The following GPATCH8 variants were observed in gnomAD, a reference collection of about 807,000 sequenced individuals.
GPATCH8 encodes the protein G-patch domain containing 8.
GPATCH8 carries 18 observed loss-of-function variants against 118.3 expected under a neutral mutation model. That is an observed-to-expected ratio of 0.15 (90% confidence interval 0.11 to 0.23). The LOEUF is 0.23. GPATCH8 is among the 10% of genes least tolerant of loss of function. The pLI is 1.00. For missense variants in GPATCH8, 1,631 were observed against 1,873.8 expected (o/e 0.87, Z 2.39); for synonymous variants, 659 against 684.7 (o/e 0.96, Z 0.59).
At chr17:44,497,978 C>CTT (rs149991900) in intron 1 of GPATCH8, among the ~76,000 whole-genome samples, 4 of 152,020 alleles carry the variant, frequency 2.6e-5, no homozygotes, top group African/African-American at 9.7e-5. Flanking sequence ...ACAGACTGTC[C>CTT]TTTTAAAAAT....
Position 44,400,499 on chromosome 17 carries a change from GCTTT to G in GPATCH8, c.1574_1577del (p.Glu525AlafsTer16). 6.2e-7 allele frequency: 1 copy of G among 1,614,140 alleles called. No individual in the cohort carries two copies. The highest frequency in any genetic ancestry group is 2.2e-5 in the East Asian group (1 of 44,878). ...CAGTAGGATGTTTGGGTCCTTCTTG[GCTTT>G]CTTTCCCTGCTGGGGTGGCCAGAGA... is the stretch of plus-strand genomic sequence containing the variant. On this transcript the variant is annotated frameshift_variant, in exon 8 of 8. Transcript: ENST00000591680. LOFTEE classifies it high-confidence loss of function.
chr17:44,401,072 A>C lies in GPATCH8; in HGVS notation c.1005T>G (p.Asp335Glu), dbSNP rs758777925. The C allele has an allele frequency of 6.8e-6, 11 of 1,613,958 alleles. No individual in the cohort carries two copies. The highest frequency in any genetic ancestry group is 5.5e-5 in the South Asian group (5 of 91,076). The change falls in exon 8 of 8, where the codon GAT (aspartate) becomes GAG (glutamate). Residue 335 changes from aspartate to glutamate, a missense_variant. Asp to Glu is a conservative substitution (Grantham distance 45). Coordinates refer to ENST00000591680, the MANE Select transcript of GPATCH8 (RefSeq NM_001002909.4). ...EGTSEDGTKP[D>E]EKSSDQGLQK... ...GCAGTCCTTGGTCAGAACTCTTCTC[A>C]TCGGGTTTTGTTCCATCTTCAGAGG...
rs752857759 is a variant in GPATCH8, at chr17:44,439,744, C to T, written c.194-3199G>A. ...AGTGATGACCTCAAAAGGTAGGTAGCAAGAGTGTCTGCTAATATGTATTCT... is the reference window on the plus strand; with the variant it reads ...AGTGATGACCTCAAAAGGTAGGTAGTAAGAGTGTCTGCTAATATGTATTCT... On this transcript the variant is annotated intron_variant, in intron 3 of 7. Transcript: ENST00000591680. 1.4e-3 allele frequency among the ~76,000 whole-genome samples: 211 copies of T among 151,756 alleles called. 1 individual carries two copies. Among genetic ancestry groups the T allele is most frequent in the Non-Finnish European group, 2.4e-3 (163 of 67,952 alleles).
chr17:44,501,364 C>T (rs1970052028), intron 1 of GPATCH8, among the ~76,000 whole-genome samples: 1 of 151,820 alleles, frequency 6.6e-6, no homozygotes, highest in Non-Finnish European at 1.5e-5. Flanking sequence ...TTGCAGTGAG[C>T]CGAGATCGTG....
At chr17:44,429,863 A>T (rs1172033588) in intron 5 of GPATCH8, among the ~76,000 whole-genome samples, 1 of 124,596 alleles carries the variant, frequency 8.0e-6, no homozygotes, top group South Asian at 2.5e-4. Flanking sequence ...GACTCCGTCT[A>T]AAAAAAAAAA....
intron 7 of GPATCH8, among the ~76,000 whole-genome samples, chr17:44,401,841 T>C (rs2049033477): frequency 6.6e-6 from 1 of 151,590 alleles, no homozygotes; most frequent in South Asian, 2.1e-4. Context: ...CTGTCTCTAC[T>C]AAAAATACAA....
Position 44,406,015 on chromosome 17 carries a change from T to G in GPATCH8, c.529A>C (p.Asn177His). ...TCCTTGCGGGATCTTGAAGAGACAT[T>G]TCGAGCAAACTCTCTCTGCTTCAGA... is the stretch of plus-strand genomic sequence containing the variant. ...KDLKQREFAR[N>H]VSSRSRKDEK... The change falls in exon 7 of 8, where the codon AAT (asparagine) becomes CAT (histidine). Residue 177 changes from asparagine to histidine, a missense_variant. Transcript: ENST00000591680. The G allele has an allele frequency of 6.2e-7, 1 of 1,606,436 alleles. No individual in the cohort carries two copies. The highest frequency in any genetic ancestry group is 8.5e-7 in the Non-Finnish European group (1 of 1,172,956).
At chr17:44,425,520 T>A (rs2050059298) in intron 5 of GPATCH8, among the ~76,000 whole-genome samples, 1 of 152,192 alleles carries the variant, frequency 6.6e-6, no homozygotes, top group Non-Finnish European at 1.5e-5. Context: ...TCTTTGACAG[T>A]CCCGGACAGT....
intron 3 of GPATCH8, among the ~76,000 whole-genome samples, chr17:44,443,457 C>T (rs1209726271): frequency 6.6e-6 from 1 of 152,064 alleles, no homozygotes; most frequent in Non-Finnish European, 1.5e-5. Flanking sequence ...CTAAGCAACT[C>T]TAACATATGA....
At chr17:44,494,258 A>G (rs1969496405) in intron 1 of GPATCH8, among the ~76,000 whole-genome samples, 1 of 151,166 alleles carries the variant, frequency 6.6e-6, no homozygotes, top group Non-Finnish European at 1.5e-5. Flanking sequence ...CACCACCCCC[A>G]CTCCCAGAAG....
chr17:44,406,507 G>GT lies in GPATCH8; in HGVS notation c.493-457_493-456insA, dbSNP rs1468680925. 1.6e-4 allele frequency among the ~76,000 whole-genome samples: 8 copies of GT among 51,420 alleles called. 2 individuals carry two copies. Among genetic ancestry groups the GT allele is most frequent in the Admixed American group, 2.4e-4 (1 of 4,186 alleles). The allele number at this position is 51,420 out of a possible 152,430, so 33.7% of individuals were successfully genotyped here. A position where few individuals can be genotyped will look rare whatever the true frequency, so the allele number is the denominator to read the frequency against. On this transcript the variant is annotated intron_variant, in intron 6 of 7. Coordinates refer to ENST00000591680, the MANE Select transcript of GPATCH8 (RefSeq NM_001002909.4). ...ATGTACAGCTTACATGGGGGGGGGGGGTTATTTAAATTAGAACAAATAGAA... is the reference window on the plus strand; with the variant it reads ...ATGTACAGCTTACATGGGGGGGGGGGTGTTATTTAAATTAGAACAAATAGAA...
chr17:44,469,027 C>T lies in GPATCH8; in HGVS notation c.121-4483G>A, dbSNP rs150681799. On this transcript the variant is annotated intron_variant, in intron 2 of 7. Transcript: ENST00000591680. ...AGTTCTTCTTCTAATTCTGGTTAAA[C>T]CATGTAGCTAAACTGAAAACAAACT... Among the ~76,000 whole-genome samples the T allele has an allele frequency of 2.8e-3, 427 of 152,232 alleles. 1 individual carries two copies. Among genetic ancestry groups the T allele is most frequent in the Non-Finnish European group, 4.2e-3 (287 of 68,012 alleles).
chr17:44,490,522 CTT>C (rs1341170277), intron 1 of GPATCH8, among the ~76,000 whole-genome samples: 1 of 151,988 alleles, frequency 6.6e-6, no homozygotes, highest in East Asian at 1.9e-4. Flanking sequence ...GCTTGGAACA[CTT>C]ATTTCATTAT....
At chr17:44,500,485 A>C (rs778568567) in intron 1 of GPATCH8, among the ~76,000 whole-genome samples, 1 of 152,244 alleles carries the variant, frequency 6.6e-6, no homozygotes, top group African/African-American at 2.4e-5. Context: ...ACTGTTAACT[A>C]TAACTTTTCA....
rs139669661 is a variant in GPATCH8, at chr17:44,401,970, C to T, written c.624-517G>A. Among the ~76,000 whole-genome samples, 442 of 150,082 alleles carry T rather than the reference C, an allele frequency of 2.9e-3. 5 individuals are homozygous for T. Among genetic ancestry groups the T allele is most frequent in the African/African-American group, 0.01 (423 of 40,776 alleles). On this transcript the variant is annotated intron_variant, in intron 7 of 7. Transcript: ENST00000591680. The stretch of plus-strand genomic sequence containing the variant: ...AGTGAGCCAAGATCACGCCACTGCA[C>T]TCCAGTCTGGGTGACAGAGCGAGAC...
chr17:44,492,860 C>T (rs9896642), intron 1 of GPATCH8, among the ~76,000 whole-genome samples: 1,981 of 152,132 alleles, frequency 0.013, 45 homozygotes, highest in African/African-American at 0.045. Flanking sequence ...AACAAATGAA[C>T]AAAATGGAAT....
intron 3 of GPATCH8, among the ~76,000 whole-genome samples, chr17:44,461,077 T>A (rs1399618457): frequency 6.6e-6 from 1 of 152,222 alleles, no homozygotes; most frequent in Admixed American, 6.5e-5. Flanking sequence ...AGATGGACTT[T>A]GCACCAACAA....
intron 1 of GPATCH8, among the ~76,000 whole-genome samples, chr17:44,502,757 C>A (rs1368529622): frequency 6.6e-6 from 1 of 152,136 alleles, no homozygotes; most frequent in Non-Finnish European, 1.5e-5. Context: ...ACTTATGCCC[C>A]GCGAAATCTC....
At chr17:44,439,135 A>T (rs777640385) in intron 3 of GPATCH8, among the ~76,000 whole-genome samples, 1 of 152,192 alleles carries the variant, frequency 6.6e-6, no homozygotes, top group Admixed American at 6.5e-5. Flanking sequence ...TCACCAAAAG[A>T]ACTCTAGGAG....
Sources: allele counts gnomAD v4.1 joint callset (sites outside exome capture counted in the v4.1 genomes callset), GRCh38; gene constraint gnomAD v4.1.1; transcripts MANE v1.5; gene names NCBI Gene and HGNC (gene_info 2026-07-23, HGNC 2026-07-21).